EPHA3: variants seen among roughly 807,000 people sequenced by gnomAD.
The protein encoded by EPHA3 is ephrin type-A receptor 3.
Under a neutral mutation model 107.1 loss-of-function variants are expected in EPHA3, and 42 were observed. That is an observed-to-expected ratio of 0.39 (90% confidence interval 0.31 to 0.51). The LOEUF is 0.51. Among genes scored for constraint, EPHA3 ranks in the 20% least tolerant of loss-of-function variants. EPHA3 has a pLI of 0.78. For missense variants in EPHA3, 1,183 were observed against 1,211.2 expected (o/e 0.98, Z 0.35); for synonymous variants, 461 against 424.8 (o/e 1.09, Z -1.05).
chr3:89,343,205 AC>A (rs1226716253), intron 5 of EPHA3, among the ~76,000 whole-genome samples: 1 of 152,096 alleles, frequency 6.6e-6, no homozygotes, highest in Non-Finnish European at 1.5e-5. Context: ...AGCCAAAAAA[AC>A]TCACCACATT....
At chr3:89,449,949 ACT>A (rs1192776084) in intron 14 of EPHA3, among the ~76,000 whole-genome samples, 6 of 151,944 alleles carry the variant, frequency 3.9e-5, no homozygotes, top group African/African-American at 1.5e-4. Context: ...ATCTTTACAT[ACT>A]CTTTCCTAAA....
At chr3:89,426,067 C>T (rs1358244621) in intron 11 of EPHA3, among the ~76,000 whole-genome samples, 1 of 151,644 alleles carries the variant, frequency 6.6e-6, no homozygotes, top group East Asian at 1.9e-4. Flanking sequence ...TTCAGCAAGT[C>T]ATAGAACAGT....
Position 89,431,170 on chromosome 3 carries a change from T to C in EPHA3, c.2157T>C (p.Thr719=), listed in dbSNP as rs2107536723. 1.2e-6 allele frequency: 2 copies of C among 1,613,918 alleles called. No individual in the cohort carries two copies. Among genetic ancestry groups the C allele is most frequent in the Non-Finnish European group, 1.7e-6 (2 of 1,179,916 alleles). ...SFLRKHDAQF[T]VIQLVGMLRG... ...CCCAGAAACACGATGCCCAGTTTAC[T>C]GTCATTCAGCTAGTGGGGATGCTTC... The change falls in exon 13 of 17, where the codon ACT becomes ACC. Residue 719 remains threonine, a synonymous_variant. Transcript: ENST00000336596.
chr3:89,177,277 G>A (rs1436393009), intron 2 of EPHA3, among the ~76,000 whole-genome samples: 1 of 152,136 alleles, frequency 6.6e-6, no homozygotes, highest in Non-Finnish European at 1.5e-5. Flanking sequence ...TCTGCAAAAG[G>A]ACACTTGTCT....
At chr3:89,129,962 G>A (rs984219498) in intron 2 of EPHA3, among the ~76,000 whole-genome samples, 1 of 152,130 alleles carries the variant, frequency 6.6e-6, no homozygotes. Flanking sequence ...GTAAACTTAA[G>A]AGGAAAAAAT....
chr3:89,140,100 G>C (rs1489461331), intron 2 of EPHA3, among the ~76,000 whole-genome samples: 1 of 151,738 alleles, frequency 6.6e-6, no homozygotes, highest in African/African-American at 2.4e-5. Context: ...CTTGATTTAT[G>C]ATCCAGAGAC....
At chr3:89,165,323 A>G (rs1379271806) in intron 2 of EPHA3, among the ~76,000 whole-genome samples, 1 of 152,242 alleles carries the variant, frequency 6.6e-6, no homozygotes, top group Non-Finnish European at 1.5e-5. Context: ...ACGAAATGTC[A>G]TAGTATGTAA....
intron 2 of EPHA3, among the ~76,000 whole-genome samples, chr3:89,170,211 G>A (rs1224344238): frequency 6.6e-6 from 1 of 150,752 alleles, no homozygotes; most frequent in African/African-American, 2.4e-5. Context: ...AGCAGAGATC[G>A]CGCCACTGCA....
chr3:89,263,702 G>T (rs960879448), intron 3 of EPHA3, among the ~76,000 whole-genome samples: 1 of 152,048 alleles, frequency 6.6e-6, no homozygotes, highest in African/African-American at 2.4e-5. Flanking sequence ...TGAGTGTGGG[G>T]TCTTTCTAGG....
chr3:89,142,426 C>T (rs1704451963), intron 2 of EPHA3, among the ~76,000 whole-genome samples: 1 of 151,286 alleles, frequency 6.6e-6, no homozygotes, highest in Admixed American at 6.6e-5. Context: ...TCTCAAGGCA[C>T]TTATAAGTAA....
At chr3:89,260,249 C>T (rs569966527) in intron 3 of EPHA3, among the ~76,000 whole-genome samples, 27 of 152,192 alleles carry the variant, frequency 1.8e-4, no homozygotes, top group Non-Finnish European at 3.1e-4. Flanking sequence ...TTCTGTGGAA[C>T]CTCCATGCTC....
intron 3 of EPHA3, among the ~76,000 whole-genome samples, chr3:89,245,239 A>G (rs1338269183): frequency 2.0e-5 from 3 of 152,208 alleles, no homozygotes; most frequent in Admixed American, 6.5e-5. Context: ...GATAAATTTA[A>G]GGCTAGTATA....
chr3:89,295,429 G>A (rs1298921081), intron 3 of EPHA3, among the ~76,000 whole-genome samples: 1 of 152,020 alleles, frequency 6.6e-6, no homozygotes, highest in Non-Finnish European at 1.5e-5. Context: ...AAGGTTCACT[G>A]CATCTTTCAC....
intron 3 of EPHA3, among the ~76,000 whole-genome samples, chr3:89,239,372 T>G (rs1021756065): frequency 6.6e-6 from 1 of 152,112 alleles, no homozygotes; most frequent in Non-Finnish European, 1.5e-5. Context: ...TTTGGATAAT[T>G]CCTCTAATTC....
chr3:89,431,901 A>G (rs1476869096), intron 13 of EPHA3, among the ~76,000 whole-genome samples: 1 of 152,192 alleles, frequency 6.6e-6, no homozygotes, highest in Non-Finnish European at 1.5e-5. Flanking sequence ...AAACTTGTTC[A>G]TGAATATATT....
intron 15 of EPHA3, among the ~76,000 whole-genome samples, chr3:89,454,952 A>G (rs1398207362): frequency 2.0e-5 from 3 of 152,166 alleles, no homozygotes; most frequent in Non-Finnish European, 4.4e-5. Context: ...AATGGTAACA[A>G]CACTGCACTC....
chr3:89,143,137 G>A (rs979433789), intron 2 of EPHA3, among the ~76,000 whole-genome samples: 4 of 151,242 alleles, frequency 2.6e-5, no homozygotes, highest in Non-Finnish European at 5.9e-5. Flanking sequence ...CCGGAATTCT[G>A]CACGATACCT....
intron 2 of EPHA3, among the ~76,000 whole-genome samples, chr3:89,130,994 G>A (rs1227894069): frequency 6.6e-6 from 1 of 152,126 alleles, no homozygotes; most frequent in Non-Finnish European, 1.5e-5. Flanking sequence ...AGGGAGATAT[G>A]ATACTACATA....
intron 3 of EPHA3, among the ~76,000 whole-genome samples, chr3:89,309,105 A>C (rs2107358162): frequency 6.6e-6 from 1 of 152,246 alleles, no homozygotes; most frequent in South Asian, 2.1e-4. Context: ...CAGCAGATCA[A>C]GTAGGCTGAG....
Sources: gnomAD v4.1 joint callset for allele counts (sites outside exome capture counted in the v4.1 genomes callset) on GRCh38, gnomAD v4.1.1 for gene constraint, MANE v1.5 for transcripts, NCBI Gene and HGNC (gene_info 2026-07-23, HGNC 2026-07-21) for gene names.